RBFOX1: variants seen among roughly 807,000 people sequenced by gnomAD.
RBFOX1 encodes RNA binding fox-1 homolog 1, also known as RNA binding protein fox-1 homolog 1.
In RBFOX1, 8 loss-of-function variants were observed where a neutral mutation model predicts 57.7. The ratio of observed to expected loss-of-function variants is 0.14; its 90% CI spans 0.08 to 0.25. The LOEUF (loss-of-function observed/expected upper bound fraction) is 0.25. Among genes scored for constraint, RBFOX1 ranks in the 10% least tolerant of loss-of-function variants. The pLI is 1.00. For synonymous variants in RBFOX1, 326 were observed against 222.4 expected (o/e 1.47, Z -4.15); for missense variants, 611 against 548.5 (o/e 1.11, Z -1.14).
chr16:6,953,975 T>C (rs59849355), intron 3 of RBFOX1, among the ~76,000 whole-genome samples: 2,046 of 152,228 alleles, frequency 0.013, 55 homozygotes, highest in African/African-American at 0.047. Context: ...GTTTACAGTT[T>C]TACATACCCG....
At chr16:5,651,441 A>G (rs949613402) in intron 3 of RBFOX1, among the ~76,000 whole-genome samples, 5 of 152,114 alleles carry the variant, frequency 3.3e-5, no homozygotes, top group Admixed American at 6.6e-5. Context: ...CTGCCACCCC[A>G]GGTAGACACA....
At chr16:7,195,743 G>A (rs2086540945) in intron 4 of RBFOX1, among the ~76,000 whole-genome samples, 1 of 151,946 alleles carries the variant, frequency 6.6e-6, no homozygotes, top group African/African-American at 2.4e-5. Context: ...AGTAGAAACG[G>A]GATTTCACCG....
At chr16:5,472,500 G>A (rs896492351) in intron 2 of RBFOX1, among the ~76,000 whole-genome samples, 1 of 152,190 alleles carries the variant, frequency 6.6e-6, no homozygotes, top group Non-Finnish European at 1.5e-5. Flanking sequence ...TGGTCAGACT[G>A]ACTGGGGAGT....
At chr16:5,414,862 G>A (rs1375144555) in intron 1 of RBFOX1, among the ~76,000 whole-genome samples, 1 of 152,178 alleles carries the variant, frequency 6.6e-6, no homozygotes, top group African/African-American at 2.4e-5. Flanking sequence ...AGGAAGTTAA[G>A]GAGCCAGCAG....
intron 3 of RBFOX1, among the ~76,000 whole-genome samples, chr16:6,793,318 G>C (rs1361263939): frequency 6.6e-6 from 1 of 152,160 alleles, no homozygotes; most frequent in East Asian, 1.9e-4. Flanking sequence ...AGTGAAATTT[G>C]ATTGGAGAAG....
At chr16:7,005,674 C>A (rs754441023) in intron 3 of RBFOX1, among the ~76,000 whole-genome samples, 4 of 152,136 alleles carry the variant, frequency 2.6e-5, no homozygotes, top group African/African-American at 9.7e-5. Context: ...CATAGAATAT[C>A]AGCATCAGAC....
At chr16:6,277,339 T>C (rs2075907179) in intron 1 of RBFOX1, among the ~76,000 whole-genome samples, 1 of 149,834 alleles carries the variant, frequency 6.7e-6, no homozygotes, top group Non-Finnish European at 1.5e-5. Flanking sequence ...TGTGGTTCTG[T>C]AGTCCCACCT....
At chr16:6,815,261 G>T (rs2089811514) in intron 3 of RBFOX1, among the ~76,000 whole-genome samples, 1 of 152,114 alleles carries the variant, frequency 6.6e-6, no homozygotes. Context: ...CTTGGTTTTG[G>T]TGGGTTTTGG....
chr16:6,487,714 T>A (rs1395486212), intron 2 of RBFOX1, among the ~76,000 whole-genome samples: 26 of 8,334 alleles, frequency 3.1e-3, no homozygotes, highest in Non-Finnish European at 4.3e-3. Context: ...TATATATATA[T>A]ATATATATAT....
intron 3 of RBFOX1, among the ~76,000 whole-genome samples, chr16:6,932,698 C>A (rs76256256): frequency 1.9e-3 from 288 of 152,262 alleles, no homozygotes; most frequent in African/African-American, 6.6e-3. Flanking sequence ...TCTCTACTTT[C>A]ACTAATCTCT....
intron 1 of RBFOX1, among the ~76,000 whole-genome samples, chr16:5,391,431 G>C (rs1361529602): frequency 2.6e-5 from 4 of 152,104 alleles, no homozygotes; most frequent in Non-Finnish European, 1.5e-5. Flanking sequence ...TAGCCAGGAA[G>C]GGTTAAATCC....
At chr16:5,672,265 C>G (rs1325671291) in intron 3 of RBFOX1, among the ~76,000 whole-genome samples, 1 of 152,154 alleles carries the variant, frequency 6.6e-6, no homozygotes, top group Non-Finnish European at 1.5e-5. Flanking sequence ...ATGCCTACCT[C>G]TCTGATGAGT....
chr16:7,125,623 A>G (rs763656571), intron 4 of RBFOX1, among the ~76,000 whole-genome samples: 5 of 152,164 alleles, frequency 3.3e-5, no homozygotes, highest in Admixed American at 3.3e-4. Flanking sequence ...AATATAGAAG[A>G]TGGATATCGT....
At chr16:7,275,340 C>T (rs1055457922) in intron 4 of RBFOX1, among the ~76,000 whole-genome samples, 2 of 152,238 alleles carry the variant, frequency 1.3e-5, no homozygotes, top group Admixed American at 1.3e-4. Flanking sequence ...AGGTTACCCT[C>T]TGCTTAACCA....
At chr16:7,165,791 G>T (rs879112704) in intron 4 of RBFOX1, among the ~76,000 whole-genome samples, 1 of 151,980 alleles carries the variant, frequency 6.6e-6, no homozygotes, top group Non-Finnish European at 1.5e-5. Flanking sequence ...ACTCTGAATA[G>T]GGTGGGGATG....
chr16:6,054,135 G>C (rs761891601), intron 1 of RBFOX1, among the ~76,000 whole-genome samples: 1 of 152,172 alleles, frequency 6.6e-6, no homozygotes, highest in Non-Finnish European at 1.5e-5. Context: ...CTGTCAGTTT[G>C]AAGCAGTGGA....
intron 2 of RBFOX1, among the ~76,000 whole-genome samples, chr16:6,341,711 C>T (rs1199275155): frequency 6.6e-6 from 1 of 151,996 alleles, no homozygotes. Context: ...CCTCCTCTTA[C>T]ATTATGAATG....
At chr16:6,935,625 C>T (rs999455393) in intron 3 of RBFOX1, among the ~76,000 whole-genome samples, 13 of 152,184 alleles carry the variant, frequency 8.5e-5, no homozygotes, top group African/African-American at 3.1e-4. Flanking sequence ...CACAAGCACA[C>T]GCTCCCCTAC....
At position 6,097,727 on chromosome 16, in the gene RBFOX1, A is replaced by C. The variant is rs554299731; in HGVS notation, c.-127+77735A>C. Among the ~76,000 whole-genome samples the C allele has an allele frequency of 1.3e-5, 2 of 151,614 alleles. No homozygotes were observed. Among genetic ancestry groups the C allele is most frequent in the African/African-American group, 2.4e-5 (1 of 41,326 alleles). ...AGCCCATAGACTCAACTCCTGTGCTATACTGCCTCTGTGTCTTTGGTCTGT... is the reference window on the plus strand; with the variant it reads ...AGCCCATAGACTCAACTCCTGTGCTCTACTGCCTCTGTGTCTTTGGTCTGT... On this transcript the variant is annotated intron_variant, in intron 1 of 15. Coordinates refer to ENST00000550418, the MANE Select transcript of RBFOX1 (RefSeq NM_018723.4). The surrounding 1 kb of genome is among the most constrained non-coding windows in gnomAD (Gnocchi z 5.0).
Sources: gnomAD v4.1 joint callset for allele counts (sites outside exome capture counted in the v4.1 genomes callset) on GRCh38, gnomAD v4.1.1 for gene constraint, Gnocchi (gnomAD v3.1) non-coding constraint, MANE v1.5 for transcripts, NCBI Gene and HGNC (gene_info 2026-07-23, HGNC 2026-07-21) for gene names.